Variants in RAD17 observed in about 807,000 individuals in gnomAD.
RAD17 encodes the protein cell cycle checkpoint protein RAD17.
In RAD17, 31 loss-of-function variants were observed where a neutral mutation model predicts 81.5. That is an observed-to-expected ratio of 0.38 (90% CI 0.29 to 0.51). The LOEUF (loss-of-function observed/expected upper bound fraction) is 0.51, where lower values mean the gene tolerates loss of function less well. RAD17 is among the 20% of genes least tolerant of loss of function. The pLI, the probability that RAD17 is intolerant of heterozygous loss-of-function variation, is 0.88. For synonymous variants in RAD17, 261 were observed against 266.2 expected (o/e 0.98, Z 0.19); for missense variants, 681 against 781.2 (o/e 0.87, Z 1.53).
intron 17 of RAD17, among the ~76,000 whole-genome samples, chr5:69,407,395 C>A (rs79639424): frequency 6.6e-6 from 1 of 151,704 alleles, no homozygotes; most frequent in Non-Finnish European, 1.5e-5. Flanking sequence ...CTGTTTCTTC[C>A]GCTTTTATTT....
At chr5:69,373,054 A>G (rs1172707622) in intron 4 of RAD17, among the ~76,000 whole-genome samples, 2 of 152,198 alleles carry the variant, frequency 1.3e-5, no homozygotes, top group African/African-American at 2.4e-5. Context: ...TATCTTCACT[A>G]AGTCTTCAAG....
Position 69,369,825 on chromosome 5 carries a change from C to T in RAD17, c.-525C>T, listed in dbSNP as rs1762809267. The T allele has an allele frequency of 2.0e-6, 2 of 1,010,502 alleles. No individual in the cohort carries two copies. The highest frequency in any genetic ancestry group is 1.5e-5 in the South Asian group (1 of 64,884). The allele number at this position is 1,010,502 out of a possible 1,614,324, so 62.6% of individuals were successfully genotyped here. A position where few individuals can be genotyped will look rare whatever the true frequency, so the allele number is the denominator to read the frequency against. ...GAAGGTCCCCGGGAGGCCGTACCTC[C>T]GAGAGGCTCGGCGTTGAGCCCGGGT... On this transcript the variant is annotated 5_prime_UTR_variant, in exon 1 of 19. Coordinates refer to ENST00000354868, the MANE Select transcript of RAD17 (RefSeq NM_133338.3).
intron 11 of RAD17, among the ~76,000 whole-genome samples, chr5:69,388,727 C>T (rs1271543981): frequency 1.3e-5 from 2 of 152,074 alleles, no homozygotes; most frequent in Admixed American, 1.3e-4. Context: ...CCATTTCAGC[C>T]TCCCAAGTAG....
chr5:69,376,553 C>T (rs949811977), intron 6 of RAD17, among the ~76,000 whole-genome samples: 8 of 152,200 alleles, frequency 5.3e-5, no homozygotes, highest in African/African-American at 1.7e-4. Context: ...AGATGTACCT[C>T]ATATCCCCTG....
chr5:69,372,222 C>T lies in RAD17; in HGVS notation c.9+5C>T, dbSNP rs1763052587. 4 of 1,599,920 alleles carry T rather than the reference C, an allele frequency of 2.5e-6. No homozygotes were observed. Among genetic ancestry groups the T allele is most frequent in the Non-Finnish European group, 3.4e-6 (4 of 1,167,734 alleles). On this transcript the variant is annotated splice_donor_5th_base_variant and intron_variant, in intron 4 of 18. Coordinates refer to ENST00000354868, the MANE Select transcript of RAD17 (RefSeq NM_133338.3). Reference sequence around the variant, plus strand: ...GATGAGGACGAAATGAATCAGGTAGCTATGACTAAAATTTTTTCCAGTGGT... The same window carrying T: ...GATGAGGACGAAATGAATCAGGTAGTTATGACTAAAATTTTTTCCAGTGGT...
intron 6 of RAD17, among the ~76,000 whole-genome samples, chr5:69,378,088 C>G (rs1215821127): frequency 6.6e-6 from 1 of 152,166 alleles, no homozygotes; most frequent in Non-Finnish European, 1.5e-5. Context: ...ATGAGCCACA[C>G]CATGCCTGGC....
At position 69,373,966 on chromosome 5, in the gene RAD17, G is replaced by C. The variant is rs1763180803; in HGVS notation, c.146G>C (p.Arg49Thr). 2 of 1,613,534 alleles carry C rather than the reference G, an allele frequency of 1.2e-6. No homozygotes were observed. The highest frequency in any genetic ancestry group is 1.7e-6 in the Non-Finnish European group (2 of 1,179,730). Reference protein sequence around the residue: ...KNGPSTLESSRFPARKRGNLS... With the variant: ...KNGPSTLESSTFPARKRGNLS... ...GGGCCTTCTACATTAGAAAGCAGCA[G>C]ATTTCCAGCGAGAAAAAGAGGAAAT... Residue 49 changes from arginine to threonine, a missense_variant, in exon 5 of 19, where the codon AGA becomes ACA. Transcript: ENST00000354868.
intron 18 of RAD17, among the ~76,000 whole-genome samples, chr5:69,411,336 A>G (rs1168403): frequency 0.47 from 71,957 of 151,688 alleles, 17,233 homozygotes; most frequent in South Asian, 0.53. Context: ...GCTTCAACCC[A>G]GGAGGTGGAG....
chr5:69,374,845 G>A lies in RAD17; in HGVS notation c.351+134G>A, dbSNP rs1290462892. ...ATCTCCTGCAGTAGAAAGCTCCCTA[G>A]TGGGGCATGGTGACTCATGCCTGTA... On this transcript the variant is annotated intron_variant, in intron 6 of 18. Coordinates refer to ENST00000354868, the MANE Select transcript of RAD17 (RefSeq NM_133338.3). 1.3e-5 allele frequency: 9 copies of A among 706,016 alleles called. No individual in the cohort carries two copies. The African/African-American group carries it at 1.6e-4, about 13-fold the overall frequency. 43.7% of individuals were successfully genotyped at this position (706,016 alleles called of 1,614,324 possible).
At chr5:69,396,106 A>G (rs1764870086) in intron 15 of RAD17, among the ~76,000 whole-genome samples, 3 of 152,140 alleles carry the variant, frequency 2.0e-5, no homozygotes, top group Non-Finnish European at 4.4e-5. Context: ...TAATCTAGCA[A>G]TATATTGTCC....
chr5:69,370,871 CT>C (rs1430709661), intron 1 of RAD17, 163 bp from the exon 2 acceptor site: 2 of 236,282 alleles, frequency 8.5e-6, no homozygotes, highest in Non-Finnish European at 8.6e-6. Flanking sequence ...AGACCTTAAA[CT>C]TTTCTTCTGG....
chr5:69,382,724 G>A (rs1763933577), intron 7 of RAD17, among the ~76,000 whole-genome samples: 1 of 152,164 alleles, frequency 6.6e-6, no homozygotes, highest in South Asian at 2.1e-4. Flanking sequence ...AATATCAAAT[G>A]AAAGCAAAAG....
intron 6 of RAD17, among the ~76,000 whole-genome samples, chr5:69,376,672 A>G (rs779720225): frequency 6.6e-6 from 1 of 152,162 alleles, no homozygotes; most frequent in Non-Finnish European, 1.5e-5. Context: ...CCCAGAGTCC[A>G]TTGTTTACAT....
At chr5:69,380,076 T>A (rs1376741006) in intron 6 of RAD17, among the ~76,000 whole-genome samples, 1 of 152,042 alleles carries the variant, frequency 6.6e-6, no homozygotes, top group Non-Finnish European at 1.5e-5. Context: ...AGATGGGGTT[T>A]CTCCATGTTG....
chr5:69,408,415 G>A (rs1765765492), intron 17 of RAD17, among the ~76,000 whole-genome samples: 2 of 151,260 alleles, frequency 1.3e-5, no homozygotes, highest in Non-Finnish European at 2.9e-5. Context: ...GGATGATGGT[G>A]GTTTTAGCAG....
intron 8 of RAD17, among the ~76,000 whole-genome samples, chr5:69,385,255 T>C (rs976477362): frequency 5.5e-5 from 8 of 145,076 alleles, no homozygotes; most frequent in African/African-American, 1.3e-4. Flanking sequence ...CCACCATGCC[T>C]GGCCTAAAAT....
At chr5:69,408,373 G>A (rs1369111591) in intron 17 of RAD17, among the ~76,000 whole-genome samples, 1 of 152,106 alleles carries the variant, frequency 6.6e-6, no homozygotes, top group Non-Finnish European at 1.5e-5. Flanking sequence ...TCTTCAGAGA[G>A]CTCATCCTTG....
At chr5:69,375,809 T>G (rs2150773029) in intron 6 of RAD17, among the ~76,000 whole-genome samples, 1 of 152,232 alleles carries the variant, frequency 6.6e-6, no homozygotes, top group South Asian at 2.1e-4. Flanking sequence ...CACGTTGCAT[T>G]TGGCTGTTAT....
chr5:69,396,249 A>G, intron 15 of RAD17, 148 bp from the exon 16 acceptor site: 1 of 759,534 alleles, frequency 1.3e-6, no homozygotes, highest in Non-Finnish European at 2.0e-6. Flanking sequence ...AGATAAGTTT[A>G]TAGTGCTGTT....
Sources: gnomAD v4.1 joint callset for allele counts (sites outside exome capture counted in the v4.1 genomes callset) on GRCh38, gnomAD v4.1.1 for gene constraint, MANE v1.5 for transcripts, NCBI Gene and HGNC (gene_info 2026-07-23, HGNC 2026-07-21) for gene names.